MAEL: variants seen among roughly 807,000 people sequenced by gnomAD.
MAEL encodes maelstrom spermatogenic transposon silencer.
Under a neutral mutation model 62.0 loss-of-function variants are expected in MAEL, and 46 were observed. The ratio of observed to expected loss-of-function variants is 0.74; its 90% CI spans 0.59 to 0.95. The LOEUF (loss-of-function observed/expected upper bound fraction) is 0.95, where lower values mean the gene tolerates loss of function less well. MAEL is among the 40% of genes least tolerant of loss of function. The pLI, the probability that MAEL is intolerant of heterozygous loss-of-function variation, is 0.00. For missense variants in MAEL, 497 were observed against 526.8 expected (o/e 0.94, Z 0.55); for synonymous variants, 172 against 175.5 (o/e 0.98, Z 0.16).
At chr1:167,015,821 C>A (rs988640606) in intron 8 of MAEL, among the ~76,000 whole-genome samples, 12 of 152,112 alleles carry the variant, frequency 7.9e-5, no homozygotes, top group Admixed American at 7.9e-4. Flanking sequence ...GCATATCTTT[C>A]TTGATCTGTC....
At chr1:167,014,615 T>A (rs937522951) in intron 8 of MAEL, among the ~76,000 whole-genome samples, 1 of 152,206 alleles carries the variant, frequency 6.6e-6, no homozygotes, top group African/African-American at 2.4e-5. Context: ...TTAACTAATA[T>A]ATGGAATAAA....
At chr1:166,988,077 C>T (rs1473954488), upstream of MAEL, among the ~76,000 whole-genome samples, 1 of 152,108 alleles carries the variant, frequency 6.6e-6, no homozygotes, top group Admixed American at 6.5e-5. Flanking sequence ...AGGCCAGGTT[C>T]AGTGGTTTAC....
chr1:167,017,955 A>G lies in MAEL; in HGVS notation c.1037A>G (p.Tyr346Cys), dbSNP rs1571280274. Reference protein sequence around the residue: ...PKMVVLDAGRYQKLRVGSSGF... With the variant: ...PKMVVLDAGRCQKLRVGSSGF... ...ATGGTTGTATTGGATGCAGGGCGTT[A>G]CCAGGTAAGGAACTGACTTTTAAGA... Residue 346 changes from tyrosine to cysteine, a missense_variant, in exon 10 of 12, where the codon TAC becomes TGC. Transcript: ENST00000367872. 6.2e-7 allele frequency: 1 copy of G among 1,612,926 alleles called. No individual in the cohort carries two copies. Among genetic ancestry groups the G allele is most frequent in the African/African-American group, 1.3e-5 (1 of 74,992 alleles).
At chr1:167,021,263 G>A (rs1665619127) in intron 11 of MAEL, 103 bp downstream of exon 11, 2 of 803,828 alleles carry the variant, frequency 2.5e-6, no homozygotes, top group East Asian at 2.6e-5. Context: ...ATTAGCTTTA[G>A]GATATAAGAA....
chr1:166,982,982 A>C (rs548891874), intron 1 of MAEL, among the ~76,000 whole-genome samples: 110 of 152,302 alleles, frequency 7.2e-4, no homozygotes, highest in African/African-American at 2.6e-3. Flanking sequence ...TTCTTCATAT[A>C]GGGCCTTTAA....
At chr1:167,019,413 T>C (rs536536197) in intron 10 of MAEL, among the ~76,000 whole-genome samples, 19 of 152,266 alleles carry the variant, frequency 1.2e-4, no homozygotes, top group Admixed American at 5.2e-4. Context: ...AGATTCTCTC[T>C]CATCTCCCAG....
At chr1:167,003,847 G>A (rs1257936158) in intron 5 of MAEL, among the ~76,000 whole-genome samples, 1 of 152,014 alleles carries the variant, frequency 6.6e-6, no homozygotes. Flanking sequence ...TTTATGAAAG[G>A]CAGCATGGGA....
chr1:166,992,837 T>G lies in MAEL; in HGVS notation c.477T>G (p.Asn159Lys), dbSNP rs755562999. The G allele has an allele frequency of 3.1e-6, 5 of 1,590,964 alleles. No homozygotes were observed. The highest frequency in any genetic ancestry group is 4.3e-6 in the Non-Finnish European group (5 of 1,173,054). The change falls in exon 4 of 12, where the codon AAT becomes AAG. Residue 159 changes from asparagine (N) to lysine (K), a missense_variant. Transcript: ENST00000367872. The stretch of plus-strand genomic sequence containing the variant: ...TGGCAGATTTCCACAGTTTTATAAA[T>G]CCTGGTAAGTAGTCAGAGTAGATGC... Reference protein sequence around the residue: ...GIMADFHSFINPGEIPRGFRF... With the variant: ...GIMADFHSFIKPGEIPRGFRF...
intron 8 of MAEL, among the ~76,000 whole-genome samples, chr1:167,014,340 C>G (rs1665289984): frequency 6.6e-6 from 1 of 152,180 alleles, no homozygotes; most frequent in Admixed American, 6.5e-5. Flanking sequence ...AATAGTTTTT[C>G]TTAGTCCATT....
In MAEL at chr1:167,010,653, G is replaced by T. The variant is rs550406005; in HGVS notation, c.845+5256G>T. The stretch of plus-strand genomic sequence containing the variant: ...CGTGGAGACAGAGTCTTGCTGTGTT[G>T]CCCAGGCTGGTGTCGAACTTCTGGC... On this transcript the variant is annotated intron_variant, in intron 8 of 11. Coordinates refer to ENST00000367872, the MANE Select transcript of MAEL (RefSeq NM_032858.3). Among the ~76,000 whole-genome samples the T allele has an allele frequency of 2.6e-5, 4 of 152,206 alleles. No individual in the cohort carries two copies. In the South Asian group the frequency reaches 8.3e-4, roughly 32 times the overall value.
intron 8 of MAEL, 83 bp from the exon 9 acceptor site, chr1:167,016,139 G>T: frequency 8.1e-7 from 1 of 1,230,950 alleles, no homozygotes; most frequent in Non-Finnish European, 1.2e-6. Flanking sequence ...TTTTTTAAAA[G>T]ATTTCAGATA....
At chr1:167,018,790 A>T (rs1557989210) in intron 10 of MAEL, among the ~76,000 whole-genome samples, 1 of 152,110 alleles carries the variant, frequency 6.6e-6, no homozygotes, top group Non-Finnish European at 1.5e-5. Flanking sequence ...TTCATATGAC[A>T]TTTTTTTGAA....
chr1:166,998,228 T>G (rs1002311746), intron 5 of MAEL, among the ~76,000 whole-genome samples: 47 of 152,354 alleles, frequency 3.1e-4, no homozygotes, highest in African/African-American at 1.0e-3. Context: ...GGTATCTTCA[T>G]TATATTGAAT....
chr1:166,989,949 A>G, intron 2 of MAEL, 120 bp downstream of exon 2: 1 of 757,572 alleles, frequency 1.3e-6, no homozygotes, highest in Non-Finnish European at 2.1e-6. Context: ...GTTAGTGCGA[A>G]GACGACGTTC....
chr1:166,992,232 G>C (rs1266492931), intron 3 of MAEL, among the ~76,000 whole-genome samples: 1 of 152,060 alleles, frequency 6.6e-6, no homozygotes, highest in African/African-American at 2.4e-5. Flanking sequence ...TTCCTTTAGA[G>C]GATTTATAGG....
chr1:166,984,860 G>C (rs1477974214), upstream of MAEL, among the ~76,000 whole-genome samples: 1 of 151,856 alleles, frequency 6.6e-6, no homozygotes, highest in Non-Finnish European at 1.5e-5. Context: ...CATTATAAAA[G>C]CCACCTGCTC....
chr1:166,987,858 T>C (rs1299941911), upstream of MAEL, among the ~76,000 whole-genome samples: 1 of 152,204 alleles, frequency 6.6e-6, no homozygotes. Flanking sequence ...CCATCTATTA[T>C]TCTATCTGAA....
intron 5 of MAEL, 71 bp downstream of exon 5, chr1:166,994,140 A>G (rs1359324482): frequency 7.7e-7 from 1 of 1,296,792 alleles, no homozygotes; most frequent in African/African-American, 1.5e-5. Context: ...TATTCCTTTT[A>G]CACACAAACT....
At chr1:167,006,622 TA>T (rs1664915688) in intron 8 of MAEL, among the ~76,000 whole-genome samples, 1 of 95,926 alleles carries the variant, frequency 1.0e-5, no homozygotes, top group African/African-American at 4.6e-5. Flanking sequence ...TATATATATA[TA>T]TATATATATA....
Sources: allele counts gnomAD v4.1 joint callset (sites outside exome capture counted in the v4.1 genomes callset), GRCh38; gene constraint gnomAD v4.1.1; transcripts MANE v1.5; gene names NCBI Gene and HGNC (gene_info 2026-07-23, HGNC 2026-07-21).